BTBD16: variants seen among roughly 807,000 people sequenced by gnomAD.
BTBD16 encodes the protein BTB/POZ domain-containing protein 16.
In BTBD16, 66 loss-of-function variants were observed where a neutral mutation model predicts 67.4. The ratio of observed to expected loss-of-function variants is 0.98; its 90% CI spans 0.80 to 1.20. The LOEUF is 1.20. BTBD16 is among the 50% of genes most tolerant of loss of function. The pLI is 0.00. For synonymous variants in BTBD16, 242 were observed against 236.4 expected (o/e 1.02, Z -0.22); for missense variants, 634 against 616.0 (o/e 1.03, Z -0.31).
At chr10:122,286,569 T>TA (rs1204285264) in intron 5 of BTBD16, among the ~76,000 whole-genome samples, 1 of 152,118 alleles carries the variant, frequency 6.6e-6, no homozygotes, top group African/African-American at 2.4e-5. Context: ...AGCCCAGACA[T>TA]AGAGACTCTA....
intron 13 of BTBD16, chr10:122,332,730 C>A: frequency 1.2e-6 from 1 of 817,486 alleles, no homozygotes; most frequent in Non-Finnish European, 1.5e-6. Context: ...AATTTCCCCA[C>A]TAAGAGGACC....
intron 10 of BTBD16, among the ~76,000 whole-genome samples, chr10:122,323,965 C>G (rs960509991): frequency 6.6e-6 from 1 of 152,162 alleles, no homozygotes; most frequent in African/African-American, 2.4e-5. Flanking sequence ...ATAGGTATCT[C>G]TCAGACACTG....
intron 6 of BTBD16, among the ~76,000 whole-genome samples, chr10:122,290,719 GA>G (rs554967993): frequency 6.1e-5 from 9 of 148,642 alleles, no homozygotes; most frequent in East Asian, 2.0e-4. Context: ...GTTGTCTCCA[GA>G]AAAAAAAAAT....
At chr10:122,329,595 C>A (rs2096451691) in intron 11 of BTBD16, 24 bp downstream of exon 11, 1 of 1,606,390 alleles carries the variant, frequency 6.2e-7, no homozygotes. Context: ...CAGGCGAGCG[C>A]ATCCACGGGA....
chr10:122,302,319 T>C (rs2096395552), intron 9 of BTBD16, among the ~76,000 whole-genome samples: 1 of 152,132 alleles, frequency 6.6e-6, no homozygotes, highest in South Asian at 2.1e-4. Flanking sequence ...TTTCTTCTTA[T>C]AGGTCACTGT....
intron 3 of BTBD16, among the ~76,000 whole-genome samples, chr10:122,278,037 G>A (rs1393571428): frequency 2.6e-5 from 4 of 152,144 alleles, no homozygotes; most frequent in Non-Finnish European, 4.4e-5. Context: ...TTTCTTCAGC[G>A]AGTAGCCAAA....
Position 122,275,211 on chromosome 10 carries a change from C to T in BTBD16, c.18+112C>T, listed in dbSNP as rs941422197. The T allele has an allele frequency of 8.6e-6, 9 of 1,048,522 alleles. No homozygotes were observed. The Admixed American group carries it at 1.1e-4, about 13-fold the overall frequency. The allele number at this position is 1,048,522 out of a possible 1,614,324, so 65.0% of individuals were successfully genotyped here. On this transcript the variant is annotated intron_variant, in intron 2 of 15. Coordinates refer to ENST00000260723, the MANE Select transcript of BTBD16 (RefSeq NM_144587.5). ...GTTCTGCACCACCGAGGACCTCAAG[C>T]ATTATTGGCTGACTCGGCTGGAAAG...
intron 1 of BTBD16, among the ~76,000 whole-genome samples, chr10:122,272,732 CAA>C (rs1340322638): frequency 1.0e-4 from 15 of 150,392 alleles, no homozygotes; most frequent in Non-Finnish European, 1.5e-5. Context: ...ACTAATGAAA[CAA>C]TTTGTTTACC....
rs1266117529 is a variant in BTBD16 at position 122,334,792 on chromosome 10, G to A, written c.1165-89G>A. ...CCGCCTCAGCCTCCCAAAGTGCTGG[G>A]ATTACAGGTGTGAACCACCACGCCC... On this transcript the variant is annotated intron_variant, in intron 13 of 15. Coordinates refer to ENST00000260723, the MANE Select transcript of BTBD16 (RefSeq NM_144587.5). The A allele has an allele frequency of 4.1e-5, 32 of 783,740 alleles. No homozygotes were observed. The Middle Eastern group carries it at 6.9e-4, about 17-fold the overall frequency. The allele number at this position is 783,740 out of a possible 1,614,324, so 48.5% of individuals were successfully genotyped here.
At chr10:122,329,617 C>T (rs772832494) in intron 11 of BTBD16, 46 bp downstream of exon 11, 3 of 1,523,692 alleles carry the variant, frequency 2.0e-6, no homozygotes, top group East Asian at 2.3e-5. Context: ...AGCTGCTGGG[C>T]ACCTGCCCAC....
At chr10:122,282,286 G>A (rs1564956648) in intron 3 of BTBD16, among the ~76,000 whole-genome samples, 1 of 152,238 alleles carries the variant, frequency 6.6e-6, no homozygotes, top group Non-Finnish European at 1.5e-5. Context: ...CCACGAGGGG[G>A]ATCGAGGGAG....
At chr10:122,302,914 C>G (rs146645592) in intron 9 of BTBD16, among the ~76,000 whole-genome samples, 1 of 152,132 alleles carries the variant, frequency 6.6e-6, no homozygotes, top group Non-Finnish European at 1.5e-5. Flanking sequence ...TTTGAACCCA[C>G]GTCTGAGTGG....
At chr10:122,324,528 C>A (rs2096441063) in intron 10 of BTBD16, among the ~76,000 whole-genome samples, 1 of 152,220 alleles carries the variant, frequency 6.6e-6, no homozygotes, top group Admixed American at 6.5e-5. Flanking sequence ...CAACACTGAT[C>A]TCTTTACCAG....
chr10:122,335,317 C>T (rs1204595304), intron 14 of BTBD16, among the ~76,000 whole-genome samples: 4 of 152,322 alleles, frequency 2.6e-5, no homozygotes, highest in African/African-American at 9.6e-5. Flanking sequence ...TTCAGTTATT[C>T]TCCCATGAAG....
rs146238131 is a variant in BTBD16 at position 122,303,931 on chromosome 10, A to G, written c.792-3258A>G. 5.7e-3 allele frequency among the ~76,000 whole-genome samples: 868 copies of G among 152,314 alleles called. 7 individuals are homozygous for G. Among genetic ancestry groups the G allele is most frequent in the African/African-American group, 0.02 (844 of 41,554 alleles). On this transcript the variant is annotated intron_variant, in intron 9 of 15. Coordinates refer to ENST00000260723, the MANE Select transcript of BTBD16 (RefSeq NM_144587.5). Reference sequence around the variant, plus strand: ...TAAAGACAGAGGAATTTACTTTAATAATTATGCTTCATAAATAATAGAACC... The same window carrying G: ...TAAAGACAGAGGAATTTACTTTAATGATTATGCTTCATAAATAATAGAACC...
At chr10:122,337,022 G>A (rs2096464372) in intron 15 of BTBD16, among the ~76,000 whole-genome samples, 1 of 152,154 alleles carries the variant, frequency 6.6e-6, no homozygotes, top group Non-Finnish European at 1.5e-5. Flanking sequence ...CCTGTGAGTG[G>A]CACATTAATT....
At position 122,271,530 on chromosome 10, in the gene BTBD16, A is replaced by G. The variant is rs1041640216; in HGVS notation, c.-43+16A>G. On this transcript the variant is annotated intron_variant, in intron 1 of 15. Coordinates refer to ENST00000260723, the MANE Select transcript of BTBD16 (RefSeq NM_144587.5). ...CTTTGGAACGGTAAGTACAATGGGT[A>G]TTTTTCAGCCACTTCAGAGACCAAG... 2.0e-5 allele frequency: 3 copies of G among 152,272 alleles called. No individual in the cohort carries two copies. The highest frequency in any genetic ancestry group is 4.4e-5 in the Non-Finnish European group (3 of 68,130). 9.4% of individuals were successfully genotyped at this position (152,272 alleles called of 1,614,324 possible). A position where few individuals can be genotyped will look rare whatever the true frequency, so the allele number is the denominator to read the frequency against.
chr10:122,297,458 G>C (rs1348613070), intron 7 of BTBD16, among the ~76,000 whole-genome samples: 1 of 152,182 alleles, frequency 6.6e-6, no homozygotes, highest in Non-Finnish European at 1.5e-5. Flanking sequence ...GGCTATGTTG[G>C]CTAAAATCAA....
intron 9 of BTBD16, among the ~76,000 whole-genome samples, chr10:122,306,087 A>G (rs994826494): frequency 1.3e-5 from 2 of 152,204 alleles, no homozygotes; most frequent in East Asian, 3.8e-4. Context: ...GGGTGGGCCC[A>G]TGGTGATCAC....
Sources: gnomAD v4.1 joint callset for allele counts (sites outside exome capture counted in the v4.1 genomes callset) on GRCh38, gnomAD v4.1.1 for gene constraint, MANE v1.5 for transcripts, NCBI Gene and HGNC (gene_info 2026-07-23, HGNC 2026-07-21) for gene names.